The following CHD7 variants were observed in gnomAD, a reference collection of about 807,000 sequenced individuals.
The protein encoded by CHD7 is ATP-dependent chromatin remodeler CHD7.
In CHD7, 24 loss-of-function variants were observed where a neutral mutation model predicts 307.3. The observed-to-expected ratio is 0.08, with a 90% confidence interval of 0.06 to 0.11. The LOEUF (loss-of-function observed/expected upper bound fraction) is 0.11, where lower values mean the gene tolerates loss of function less well. Among genes scored for constraint, CHD7 ranks in the 10% least tolerant of loss-of-function variants. The pLI is 1.00. For synonymous variants in CHD7, 1,363 were observed against 1,349.9 expected (o/e 1.01, Z -0.21); for missense variants, 3,106 against 3,727.1 (o/e 0.83, Z 4.34).
chr8:60,825,955 A>G (rs1174027403), intron 13 of CHD7, among the ~76,000 whole-genome samples: 1 of 152,094 alleles, frequency 6.6e-6, no homozygotes, highest in South Asian at 2.1e-4. Context: ...TATCATTTAC[A>G]TTAGGTATTT....
At chr8:60,745,495 G>A (rs760905318) in intron 2 of CHD7, among the ~76,000 whole-genome samples, 1 of 136,088 alleles carries the variant, frequency 7.3e-6, no homozygotes, top group African/African-American at 2.4e-5. Flanking sequence ...GACTTCAGGA[G>A]AGCCCACATG....
In CHD7 at chr8:60,860,937, G is replaced by C. The variant is rs1167563833; in HGVS notation, c.7642G>C (p.Asp2548His). 1.2e-6 allele frequency: 2 copies of C among 1,613,854 alleles called. No homozygotes were observed. The highest frequency in any genetic ancestry group is 1.3e-5 in the African/African-American group (1 of 74,906). Residue 2548 changes from aspartate to histidine, a missense_variant, in exon 35 of 38, where the codon GAT becomes CAT. Asp to His is a moderately conservative substitution (Grantham distance 81). Coordinates refer to ENST00000423902, the MANE Select transcript of CHD7 (RefSeq NM_017780.4). Reference sequence around the variant, plus strand: ...TGAGGTGACCAAAGCTTTTGAAGAAGATATAGAGACCCCACCAACAAGAAA... The same window carrying C: ...TGAGGTGACCAAAGCTTTTGAAGAACATATAGAGACCCCACCAACAAGAAA... Reference protein sequence around the residue: ...DAEVTKAFEEDIETPPTRNIP... With the variant: ...DAEVTKAFEEHIETPPTRNIP...
intron 2 of CHD7, among the ~76,000 whole-genome samples, chr8:60,769,434 A>G (rs1022347329): frequency 6.6e-6 from 1 of 152,212 alleles, no homozygotes; most frequent in Non-Finnish European, 1.5e-5. Context: ...AAAAATAGAT[A>G]TCATTGATGT....
At chr8:60,790,229 C>T (rs1398173446) in intron 3 of CHD7, among the ~76,000 whole-genome samples, 3 of 152,136 alleles carry the variant, frequency 2.0e-5, no homozygotes, top group African/African-American at 4.8e-5. Context: ...TCTCTAGCCT[C>T]ATGAGTGGTT....
At position 60,867,151 on chromosome 8, in the gene CHD7, C is replaced by T. The variant is rs1806267482; in HGVS notation, c.*1218C>T. The T allele has an allele frequency of 6.6e-6, 1 of 152,206 alleles. No individual in the cohort carries two copies. Among genetic ancestry groups the T allele is most frequent in the African/African-American group, 2.4e-5 (1 of 41,454 alleles). 9.4% of individuals were successfully genotyped at this position (152,206 alleles called of 1,614,324 possible). A position where few individuals can be genotyped will look rare whatever the true frequency, so the allele number is the denominator to read the frequency against. On this transcript the variant is annotated 3_prime_UTR_variant, in exon 38 of 38. Coordinates refer to ENST00000423902, the MANE Select transcript of CHD7 (RefSeq NM_017780.4). ...GCATACAAAAAGCTCCTATTACTCC[C>T]TCAAAAGGGCATCTGAGACCGAGAA... is the stretch of plus-strand genomic sequence containing the variant.
intron 1 of CHD7, among the ~76,000 whole-genome samples, chr8:60,692,237 A>T (rs1051874733): frequency 6.6e-6 from 1 of 152,200 alleles, no homozygotes; most frequent in Non-Finnish European, 1.5e-5. Flanking sequence ...CTGCTGTTTG[A>T]CACACTAATT....
intron 1 of CHD7, among the ~76,000 whole-genome samples, chr8:60,700,103 G>T (rs1806686122): frequency 6.6e-6 from 1 of 152,128 alleles, no homozygotes; most frequent in African/African-American, 2.4e-5. Context: ...CTCCCAAAGT[G>T]CTGGGATTAT....
intron 7 of CHD7, among the ~76,000 whole-genome samples, chr8:60,808,529 C>G (rs1044690757): frequency 6.6e-6 from 1 of 152,138 alleles, no homozygotes; most frequent in Non-Finnish European, 1.5e-5. Flanking sequence ...ATAAAAACTT[C>G]TACAATAATA....
chr8:60,701,085 A>G (rs1026996241), intron 1 of CHD7, among the ~76,000 whole-genome samples: 1 of 152,230 alleles, frequency 6.6e-6, no homozygotes, highest in African/African-American at 2.4e-5. Flanking sequence ...TGTGAAAGTA[A>G]CAGGTAGCAA....
intron 2 of CHD7, among the ~76,000 whole-genome samples, chr8:60,771,429 TG>T (rs1810705384): frequency 6.6e-6 from 1 of 152,266 alleles, no homozygotes; most frequent in African/African-American, 2.4e-5. Flanking sequence ...AATGCTCCAT[TG>T]AGCATATCCT....
At chr8:60,816,637 C>T in intron 8 of CHD7, 136 bp downstream of exon 8, 1 of 599,188 alleles carries the variant, frequency 1.7e-6, no homozygotes, top group Non-Finnish European at 2.9e-6. Context: ...GTAACTGGTT[C>T]TTGCTAACAA....
Position 60,816,505 on chromosome 8 carries a change from C to A in CHD7, c.2613+4C>A. On this transcript the variant is annotated splice_donor_region_variant and intron_variant, in intron 8 of 37. Coordinates refer to ENST00000423902, the MANE Select transcript of CHD7 (RefSeq NM_017780.4). ...CCAGAACAAGTTCCTTTCAGAGGTA[C>A]GACATACCTGCTTACTTTTCCAAAG... 6.7e-7 allele frequency: 1 copy of A among 1,485,670 alleles called. No homozygotes were observed. The highest frequency in any genetic ancestry group is 9.3e-7 in the Non-Finnish European group (1 of 1,073,784). 92.0% of individuals were successfully genotyped at this position (1,485,670 alleles called of 1,614,324 possible).
chr8:60,683,065 G>T (rs1467090288), intron 1 of CHD7, among the ~76,000 whole-genome samples: 1 of 152,156 alleles, frequency 6.6e-6, no homozygotes, highest in Non-Finnish European at 1.5e-5. Context: ...GTTCACTCAT[G>T]TGGGCATATT....
chr8:60,759,434 C>G (rs891795538), intron 2 of CHD7, among the ~76,000 whole-genome samples: 1 of 148,114 alleles, frequency 6.8e-6, no homozygotes, highest in African/African-American at 2.5e-5. Flanking sequence ...TCCCTCTCTC[C>G]CGCTCTCTGT....
At chr8:60,759,377 C>G (rs1400539532) in intron 2 of CHD7, among the ~76,000 whole-genome samples, 2 of 152,014 alleles carry the variant, frequency 1.3e-5, no homozygotes, top group Non-Finnish European at 2.9e-5. Flanking sequence ...TTCTCTCCCT[C>G]TCCATCTCCC....
chr8:60,725,656 C>T (rs531713183), intron 1 of CHD7, among the ~76,000 whole-genome samples: 1 of 152,224 alleles, frequency 6.6e-6, no homozygotes, highest in Admixed American at 6.5e-5. Flanking sequence ...ATTCTGAACC[C>T]TTGAATTGTT....
chr8:60,828,066 A>G (rs1804336200), intron 13 of CHD7, among the ~76,000 whole-genome samples: 1 of 152,182 alleles, frequency 6.6e-6, no homozygotes, highest in Admixed American at 6.5e-5. Flanking sequence ...AGAATTAATT[A>G]AAGAAATACC....
At chr8:60,736,245 A>G (rs1445353177) in intron 1 of CHD7, among the ~76,000 whole-genome samples, 2 of 152,066 alleles carry the variant, frequency 1.3e-5, no homozygotes, top group African/African-American at 4.8e-5. Context: ...ATCAGCAAGC[A>G]TTGGTCCTGC....
chr8:60,813,576 A>G (rs1051191721), intron 7 of CHD7, among the ~76,000 whole-genome samples: 2 of 152,164 alleles, frequency 1.3e-5, no homozygotes, highest in African/African-American at 2.4e-5. Context: ...ATCAATTCCT[A>G]TCTTCCTAAG....
Sources: allele counts gnomAD v4.1 joint callset (sites outside exome capture counted in the v4.1 genomes callset), GRCh38; gene constraint gnomAD v4.1.1; transcripts MANE v1.5; gene names NCBI Gene and HGNC (gene_info 2026-07-23, HGNC 2026-07-21).